The following SLC39A14 variants were observed in gnomAD, a reference collection of about 807,000 sequenced individuals.
SLC39A14 encodes the protein metal cation symporter ZIP14.
In SLC39A14, 19 loss-of-function variants were observed where a neutral mutation model predicts 45.5. The observed-to-expected ratio is 0.42, with a 90% confidence interval of 0.29 to 0.61. SLC39A14 has a LOEUF of 0.61. Among genes scored for constraint, SLC39A14 ranks in the 20% least tolerant of loss-of-function variants. The probability of loss-of-function intolerance (pLI) is 0.22; values close to 1 mark genes in which losing one functional copy is unlikely to be tolerated. For missense variants in SLC39A14, 447 were observed against 616.5 expected, an observed-to-expected ratio of 0.73 and a Z score of 2.91; for synonymous variants, 264 against 251.3, an observed-to-expected ratio of 1.05 and a Z score of -0.48.
intron 1 of SLC39A14, among the ~76,000 whole-genome samples, chr8:22,377,439 T>C (rs758983668): frequency 6.6e-6 from 1 of 152,220 alleles, no homozygotes; most frequent in Admixed American, 6.5e-5. Flanking sequence ...TTGCTAGGTA[T>C]GTTCATTGCT....
Position 22,415,752 on chromosome 8 carries a change from C to T in SLC39A14, c.751-17C>T. ...TTTGGTGAATGTCATGCTGATCCCT[C>T]CCTGTCACCCTTCCAGCATCATCAT... On this transcript the variant is annotated splice_polypyrimidine_tract_variant and intron_variant, in intron 5 of 8. Transcript: ENST00000381237. 6.2e-7 allele frequency: 1 copy of T among 1,604,414 alleles called. No homozygotes were observed. The highest frequency in any genetic ancestry group is 2.2e-5 in the East Asian group (1 of 44,832).
chr8:22,404,649 G>T, intron 1 of SLC39A14, 47 bp from the exon 2 acceptor site: 1 of 1,567,954 alleles, frequency 6.4e-7, no homozygotes, highest in Non-Finnish European at 8.7e-7. Context: ...CGCAGTTGCC[G>T]GCACACAGGG....
intron 1 of SLC39A14, among the ~76,000 whole-genome samples, chr8:22,373,942 T>C (rs1438058773): frequency 6.6e-6 from 1 of 152,178 alleles, no homozygotes; most frequent in Non-Finnish European, 1.5e-5. Context: ...GTATTTTTAG[T>C]GGACATGGGG....
At chr8:22,398,634 C>T (rs1203116376) in intron 1 of SLC39A14, 1 of 813,492 alleles carries the variant, frequency 1.2e-6, no homozygotes, top group African/African-American at 1.9e-5. Context: ...ATATCTATGC[C>T]CAACCTCTAG....
At chr8:22,376,931 T>A (rs1250950493) in intron 1 of SLC39A14, among the ~76,000 whole-genome samples, 2 of 152,162 alleles carry the variant, frequency 1.3e-5, no homozygotes, top group Non-Finnish European at 2.9e-5. Flanking sequence ...TTCTTTCCCT[T>A]TGTAGTTTCA....
intron 1 of SLC39A14, among the ~76,000 whole-genome samples, chr8:22,369,750 C>T (rs1832830536): frequency 6.6e-6 from 1 of 152,186 alleles, no homozygotes; most frequent in African/African-American, 2.4e-5. Context: ...CACCAGCTTG[C>T]AGGATGTCGT....
At chr8:22,415,034 G>C in intron 5 of SLC39A14, 132 bp downstream of exon 5, 1 of 1,112,554 alleles carries the variant, frequency 9.0e-7, no homozygotes, top group Non-Finnish European at 1.3e-6. Flanking sequence ...CTAATTTCTT[G>C]AGGAGACAAT....
chr8:22,373,811 C>T (rs1299979491), intron 1 of SLC39A14, among the ~76,000 whole-genome samples: 1 of 150,046 alleles, frequency 6.7e-6, no homozygotes, highest in Non-Finnish European at 1.5e-5. Context: ...GTCACCCAGG[C>T]GGGAGTGCAG....
intron 1 of SLC39A14, among the ~76,000 whole-genome samples, chr8:22,391,598 C>A (rs1834076127): frequency 6.6e-6 from 1 of 151,088 alleles, no homozygotes. Context: ...GAGATGGAGT[C>A]TTTGCTCTGT....
In SLC39A14 at chr8:22,408,295, C is replaced by A; in HGVS notation, c.271-15C>A. ...TTTGGGGTCTAAGCGGCTTCCTGCC[C>A]TTCCTGTGTTTCAGTGCTTTAGTTC... On this transcript the variant is annotated splice_polypyrimidine_tract_variant and intron_variant, in intron 2 of 8. Transcript: ENST00000381237. 1 of 1,609,530 alleles carries A rather than the reference C, an allele frequency of 6.2e-7. No homozygotes were observed. The highest frequency in any genetic ancestry group is 8.5e-7 in the Non-Finnish European group (1 of 1,176,428).
chr8:22,397,322 T>C (rs1422823726), intron 1 of SLC39A14, among the ~76,000 whole-genome samples: 1 of 152,112 alleles, frequency 6.6e-6, no homozygotes, highest in Non-Finnish European at 1.5e-5. Context: ...CTCACGCCTG[T>C]AATCCCAGCA....
At chr8:22,397,105 T>C (rs1834532241) in intron 1 of SLC39A14, among the ~76,000 whole-genome samples, 1 of 152,176 alleles carries the variant, frequency 6.6e-6, no homozygotes, top group South Asian at 2.1e-4. Flanking sequence ...TCTGCAAGTT[T>C]ATTCTCTTCT....
intron 1 of SLC39A14, among the ~76,000 whole-genome samples, chr8:22,385,732 C>T (rs1411837052): frequency 6.6e-6 from 1 of 152,014 alleles, no homozygotes; most frequent in Non-Finnish European, 1.5e-5. Context: ...TGTGGTGGCT[C>T]ACACCCATAA....
intron 1 of SLC39A14, among the ~76,000 whole-genome samples, chr8:22,380,216 C>G (rs924560749): frequency 6.6e-6 from 1 of 152,182 alleles, no homozygotes; most frequent in Non-Finnish European, 1.5e-5. Flanking sequence ...CAAGGGATGA[C>G]TGTACCAGCA....
intron 1 of SLC39A14, among the ~76,000 whole-genome samples, chr8:22,385,436 C>G (rs1383309995): frequency 6.6e-6 from 1 of 152,098 alleles, no homozygotes; most frequent in African/African-American, 2.4e-5. Context: ...GTTCTCAATG[C>G]CTGGGAGTGG....
downstream of SLC39A14, among the ~76,000 whole-genome samples, chr8:22,427,510 AG>A (rs1836406054): frequency 6.6e-6 from 1 of 151,626 alleles, no homozygotes; most frequent in Non-Finnish European, 1.5e-5. Context: ...AATGCTAGTA[AG>A]GAAAAAAAAA....
intron 1 of SLC39A14, among the ~76,000 whole-genome samples, chr8:22,379,747 G>A (rs578055287): frequency 6.6e-6 from 1 of 152,156 alleles, no homozygotes; most frequent in East Asian, 1.9e-4. Context: ...CGGCCAACAT[G>A]GTGAAACCCC....
rs12544159 is a variant in SLC39A14, at chr8:22,384,772, G to A, written c.-16+17364G>A. ...AAAAAAAAAAAAAAAAATCTTGGCC[G>A]GGCACGGTGGCTCATGCCTGTAATC... is the stretch of plus-strand genomic sequence containing the variant. On this transcript the variant is annotated intron_variant, in intron 1 of 8. Coordinates refer to ENST00000381237, the MANE Select transcript of SLC39A14 (RefSeq NM_001128431.4). Among the ~76,000 whole-genome samples, 957 of 137,688 alleles carry A rather than the reference G, an allele frequency of 7.0e-3. 11 individuals are homozygous for A. The highest frequency in any genetic ancestry group is 0.032 in the East Asian group (142 of 4,490). 90.3% of individuals were successfully genotyped at this position (137,688 alleles called of 152,430 possible).
intron 1 of SLC39A14, among the ~76,000 whole-genome samples, chr8:22,377,774 G>T (rs535488276): frequency 1.2e-4 from 19 of 152,282 alleles, no homozygotes; most frequent in African/African-American, 3.8e-4. Context: ...TCGCCTTTGA[G>T]ATGATAACAT....
Sources: gnomAD v4.1 joint callset for allele counts (sites outside exome capture counted in the v4.1 genomes callset) on GRCh38, gnomAD v4.1.1 for gene constraint, MANE v1.5 for transcripts, NCBI Gene and HGNC (gene_info 2026-07-23, HGNC 2026-07-21) for gene names.